Variants in ACOT6 observed in about 807,000 individuals in gnomAD.
The protein encoded by ACOT6 is acyl-coenzyme A thioesterase 6.
ACOT6 carries 14 observed loss-of-function variants against 12.3 expected under a neutral mutation model. The observed-to-expected ratio is 1.14, with a 90% CI of 0.75 to 1.78. ACOT6 has a LOEUF of 1.78. Ranked by LOEUF, ACOT6 falls within the 40% of genes most tolerant of loss-of-function variation. ACOT6 has a pLI of 0.00. For missense variants in ACOT6, 523 were observed against 551.8 expected (o/e 0.95, Z 0.52); for synonymous variants, 218 against 231.3 (o/e 0.94, Z 0.52).
At chr14:73,612,001 T>A (rs796116455), upstream of ACOT6, among the ~76,000 whole-genome samples, 12 of 152,284 alleles carry the variant, frequency 7.9e-5, no homozygotes, top group African/African-American at 2.9e-4. Context: ...TGTGCCTCTA[T>A]TTCGACACTC....
intron 1 of ACOT6, among the ~76,000 whole-genome samples, chr14:73,615,844 T>C (rs1028768073): frequency 1.3e-5 from 2 of 151,978 alleles, no homozygotes; most frequent in Admixed American, 6.6e-5. Flanking sequence ...AGTGGGAGGA[T>C]TGCTTGAGGC....
chr14:73,612,504 CGGCAAAGCCGCCA>C, exon 1 of ACOT6: 1 of 1,086,064 alleles, frequency 9.2e-7, no homozygotes, highest in Non-Finnish European at 1.2e-6. Context: ...TTCCAGCGCT[CGGCAAAGCCGCCA>C]GGCCCGCCCA....
intron 1 of ACOT6, among the ~76,000 whole-genome samples, chr14:73,615,506 G>A (rs1479311929): frequency 1.3e-5 from 2 of 151,576 alleles, no homozygotes; most frequent in Non-Finnish European, 2.9e-5. Flanking sequence ...CAAGGTGGGC[G>A]GATCATCTGA....
intron 2 of ACOT6, 108 bp from the exon 3 acceptor site, chr14:73,619,126 T>C: frequency 2.1e-6 from 3 of 1,399,200 alleles, no homozygotes; most frequent in Non-Finnish European, 2.9e-6. Context: ...CGAGACTCCA[T>C]CTCAAAAAAG....
chr14:73,619,123 C>A, intron 2 of ACOT6, 111 bp from the exon 3 acceptor site: 1 of 1,366,950 alleles, frequency 7.3e-7, no homozygotes, highest in Non-Finnish European at 9.8e-7. Flanking sequence ...GAGCGAGACT[C>A]CATCTCAAAA....
At chr14:73,614,380 C>CT (rs1890498608) in intron 1 of ACOT6, among the ~76,000 whole-genome samples, 1 of 152,128 alleles carries the variant, frequency 6.6e-6, no homozygotes, top group African/African-American at 2.4e-5. Context: ...GGAATTGGGT[C>CT]TTACAGATTT....
chr14:73,615,423 A>AAC (rs1890521336), intron 1 of ACOT6, among the ~76,000 whole-genome samples: 1 of 141,864 alleles, frequency 7.0e-6, no homozygotes, highest in African/African-American at 2.7e-5. Context: ...AACAAAAAAA[A>AAC]CCAGCAACAA....
chr14:73,619,694 T>C lies in ACOT6; in HGVS notation c.1121T>C (p.Val374Ala). 1 of 1,614,186 alleles carries C rather than the reference T, an allele frequency of 6.2e-7. No homozygotes were observed. Among genetic ancestry groups the C allele is most frequent in the Non-Finnish European group, 8.5e-7 (1 of 1,180,024 alleles). ...PPYFPPSRAS[V>A]HAVLGEAIFY... ...TATTTTCCTCCTTCTAGAGCTTCTG[T>C]GCACGCTGTTTTGGGTGAGGCAATA... The change falls in exon 3 of 3, where the codon GTG becomes GCG. Residue 374 changes from valine to alanine, a missense_variant. Val to Ala is a moderately conservative substitution (Grantham distance 64, BLOSUM62 0). This residue lies in a region of ACOT6 where 219 missense variants were observed against 277.0 expected (regional missense o/e 0.79). Transcript: ENST00000645972.
At chr14:73,616,063 C>T (rs1266871361) in intron 1 of ACOT6, among the ~76,000 whole-genome samples, 2 of 151,962 alleles carry the variant, frequency 1.3e-5, no homozygotes, top group African/African-American at 2.4e-5. Flanking sequence ...AACTCTTGGG[C>T]TCAGATGATC....
At chr14:73,613,192 C>A (rs1326231441) in intron 1 of ACOT6, among the ~76,000 whole-genome samples, 160 bp downstream of exon 1, 1 of 152,140 alleles carries the variant, frequency 6.6e-6, no homozygotes, top group Non-Finnish European at 1.5e-5. Context: ...GGCTGGAGTG[C>A]CGTGGCTGGA....
At chr14:73,614,377 G>A (rs2139997022) in intron 1 of ACOT6, among the ~76,000 whole-genome samples, 1 of 152,200 alleles carries the variant, frequency 6.6e-6, no homozygotes, top group Non-Finnish European at 1.5e-5. Context: ...GCTGGAATTG[G>A]GTCTTACAGA....
intron 1 of ACOT6, among the ~76,000 whole-genome samples, chr14:73,614,157 C>G (rs571216465): frequency 6.6e-6 from 1 of 151,616 alleles, no homozygotes; most frequent in South Asian, 2.1e-4. Flanking sequence ...GCTGAGATCA[C>G]GCCACTGCAT....
Position 73,619,881 on chromosome 14 carries a change from T to G in ACOT6, c.*42T>G, listed in dbSNP as rs758374953. 6.6e-7 allele frequency: 1 copy of G among 1,515,468 alleles called. No individual in the cohort carries two copies. The highest frequency in any genetic ancestry group is 1.3e-5 in the South Asian group (1 of 74,934). 93.9% of individuals were successfully genotyped at this position (1,515,468 alleles called of 1,614,324 possible). A position where few individuals can be genotyped will look rare whatever the true frequency, so the allele number is the denominator to read the frequency against. On this transcript the variant is annotated 3_prime_UTR_variant, in exon 3 of 3. Coordinates refer to ENST00000645972, the MANE Select transcript of ACOT6 (RefSeq NM_001365788.1). ...CAGATACCATTAATAAAAATCCTAT[T>G]CATACAACTTGTGTTGGGTTTTCTT... is the stretch of plus-strand genomic sequence containing the variant.
Position 73,619,439 on chromosome 14 carries a change from T to C in ACOT6, c.866T>C (p.Phe289Ser). The change falls in exon 3 of 3, where the codon TTT becomes TCT. Residue 289 changes from phenylalanine (F) to serine (S), a missense_variant. Physicochemically the swap from Phe to Ser is radical, Grantham distance 155. This residue lies in a region of ACOT6 where 219 missense variants were observed against 277.0 expected (regional missense o/e 0.79). Transcript: ENST00000645972. ...AAAGTAAAAATCACTAAGTCAGGAT[T>C]TCTCACTTTTATGGACACTTGGAGC... ...LGKVKITKSG[F>S]LTFMDTWSNP... 1.2e-6 allele frequency: 2 copies of C among 1,614,206 alleles called. No individual in the cohort carries two copies. Among genetic ancestry groups the C allele is most frequent in the Non-Finnish European group, 1.7e-6 (2 of 1,180,044 alleles).
intron 1 of ACOT6, 37 bp from the exon 2 acceptor site, chr14:73,616,957 C>G: frequency 1.6e-6 from 1 of 617,966 alleles, no homozygotes; most frequent in Non-Finnish European, 2.9e-6. Flanking sequence ...TTTTGAGAAA[C>G]TAAAGCTCCC....
intron 1 of ACOT6, among the ~76,000 whole-genome samples, chr14:73,615,388 T>TAAAAAAAAAAAAAAAAAAAAAAAAAA (rs1160138803): frequency 1.6e-5 from 1 of 63,336 alleles, no homozygotes; most frequent in African/African-American, 1.0e-4. Flanking sequence ...CTCTGTCTGA[T>TAAAAAAAAAAAAAAAAAAAAAAAAAA]AAAAAAAAAA....
rs1156922756 is a variant in ACOT6 at position 73,619,840 on chromosome 14, C to T, written c.*1C>T. 1.3e-6 allele frequency: 2 copies of T among 1,585,254 alleles called. No homozygotes were observed. The highest frequency in any genetic ancestry group is 4.5e-5 in the East Asian group (2 of 44,670). The stretch of plus-strand genomic sequence containing the variant: ...ATCTGTCAAGCACAGCAAAATATAA[C>T]ATTGTAGCCACAGACCAGATACCAT... On this transcript the variant is annotated 3_prime_UTR_variant, in exon 3 of 3. Coordinates refer to ENST00000645972, the MANE Select transcript of ACOT6 (RefSeq NM_001365788.1).
At position 73,612,688 on chromosome 14, in the gene ACOT6, C is replaced by T; in HGVS notation, c.117C>T (p.Arg39=). ...EQPVTLRTSL[R]DEEGALFRAH... ...CAGTCACGCTGCGCACGTCCCTGCG[C>T]GACGAAGAGGGCGCGCTCTTCCGGG... Residue 39 remains arginine, a synonymous_variant, in exon 1 of 3, where the codon CGC becomes CGT. Transcript: ENST00000645972. 7.1e-7 allele frequency: 1 copy of T among 1,406,652 alleles called. No homozygotes were observed. The highest frequency in any genetic ancestry group is 9.2e-7 in the Non-Finnish European group (1 of 1,085,196). The allele number at this position is 1,406,652 out of a possible 1,614,324, so 87.1% of individuals were successfully genotyped here.
At chr14:73,617,637 C>G (rs1890561557) in intron 2 of ACOT6, among the ~76,000 whole-genome samples, 1 of 152,130 alleles carries the variant, frequency 6.6e-6, no homozygotes, top group Non-Finnish European at 1.5e-5. Flanking sequence ...GGCAGTTACT[C>G]TCTCTGGAGT....
Sources: gnomAD v4.1 joint callset for allele counts (sites outside exome capture counted in the v4.1 genomes callset) on GRCh38, gnomAD v4.1.1 for gene constraint, gnomAD v4.1.1 regional missense constraint, MANE v1.5 for transcripts, NCBI Gene and HGNC (gene_info 2026-07-23, HGNC 2026-07-21) for gene names.